CLCN3: variants seen among roughly 807,000 people sequenced by gnomAD.
The protein encoded by CLCN3 is H(+)/Cl(-) exchange transporter 3.
CLCN3 carries 16 observed loss-of-function variants against 83.4 expected under a neutral mutation model. The ratio of observed to expected loss-of-function variants is 0.19; its 90% CI spans 0.13 to 0.29. The LOEUF is 0.29. Among genes scored for constraint, CLCN3 ranks in the 10% least tolerant of loss-of-function variants. CLCN3 has a pLI of 1.00. For synonymous variants in CLCN3, 322 were observed against 346.2 expected (o/e 0.93, Z 0.78); for missense variants, 544 against 1,006.0 (o/e 0.54, Z 6.21).
chr4:169,716,091 C>G (rs1006678455), intron 12 of CLCN3, among the ~76,000 whole-genome samples: 1 of 152,148 alleles, frequency 6.6e-6, no homozygotes, highest in Non-Finnish European at 1.5e-5. Context: ...TTAACTCTTA[C>G]ATCATTAGTT....
intron 12 of CLCN3, among the ~76,000 whole-genome samples, chr4:169,718,952 A>G (rs1481711898): frequency 6.6e-6 from 1 of 152,140 alleles, no homozygotes; most frequent in Admixed American, 6.5e-5. Context: ...CTGTATCTTA[A>G]CTTTCCTGGC....
Position 169,713,166 on chromosome 4 carries a change from C to G in CLCN3, c.2237C>G (p.Pro746Arg). 1 of 1,614,106 alleles carries G rather than the reference C, an allele frequency of 6.2e-7. No individual in the cohort carries two copies. The highest frequency in any genetic ancestry group is 8.5e-7 in the Non-Finnish European group (1 of 1,179,992). The change falls in exon 12 of 13, where the codon CCT (proline) becomes CGT (arginine). Residue 746 changes from proline to arginine, a missense_variant. By Grantham distance (103) the Pro-to-Arg change is moderately radical. Around this residue, in one of 6 missense-constraint regions of CLCN3, gnomAD observed 142 missense variants for 225.0 expected, o/e 0.63. Transcript: ENST00000513761. Reference sequence around the variant, plus strand: ...ACCCCATCTCTTCCAGCAGAAAGTCCTCGGCCATTGAAGCTTCGAAGCATT... The same window carrying G: ...ACCCCATCTCTTCCAGCAGAAAGTCGTCGGCCATTGAAGCTTCGAAGCATT... ...QHTPSLPAESPRPLKLRSILD... is the reference protein window; with the variant it reads ...QHTPSLPAESRRPLKLRSILD...
chr4:169,678,022 A>C (rs1226175815), intron 2 of CLCN3, among the ~76,000 whole-genome samples: 1 of 152,226 alleles, frequency 6.6e-6, no homozygotes, highest in African/African-American at 2.4e-5. Context: ...GCCTGATGAC[A>C]AGGCTGATTG....
chr4:169,690,420 C>A, intron 5 of CLCN3, 110 bp from the exon 6 acceptor site: 1 of 1,120,542 alleles, frequency 8.9e-7, no homozygotes, highest in Non-Finnish European at 1.3e-6. Flanking sequence ...GCTGGGATTA[C>A]AGGCGTGAGC....
chr4:169,648,776 C>T lies in CLCN3; in HGVS notation c.160+12688C>T, dbSNP rs146576719. Reference sequence around the variant, plus strand: ...GCACAGTGGCTTATGCCTATAATCCCAGCACTTTGGGAAGCCAAGATAGAT... The same window carrying T: ...GCACAGTGGCTTATGCCTATAATCCTAGCACTTTGGGAAGCCAAGATAGAT... On this transcript the variant is annotated intron_variant, in intron 2 of 12. Transcript: ENST00000513761. 3.0e-3 allele frequency among the ~76,000 whole-genome samples: 450 copies of T among 152,274 alleles called. 2 individuals are homozygous for T. The highest frequency in any genetic ancestry group is 0.01 in the African/African-American group (423 of 41,554).
chr4:169,661,386 GTAA>G (rs939618589), intron 2 of CLCN3, among the ~76,000 whole-genome samples: 2 of 152,064 alleles, frequency 1.3e-5, no homozygotes, highest in African/African-American at 2.4e-5. Context: ...ATATAAGGAA[GTAA>G]TAATGTTTTT....
In CLCN3 at chr4:169,621,037, G is replaced by T. The variant is rs566942964; in HGVS notation, c.-43G>T. 95 of 397,676 alleles carry T rather than the reference G, an allele frequency of 2.4e-4. No homozygotes were observed. The highest frequency in any genetic ancestry group is 3.5e-4 in the Admixed American group (8 of 22,722). The allele number at this position is 397,676 out of a possible 1,614,324, so 24.6% of individuals were successfully genotyped here. On this transcript the variant is annotated 5_prime_UTR_variant, in exon 1 of 13. Coordinates refer to ENST00000513761, the MANE Select transcript of CLCN3 (RefSeq NM_001829.4). ...AAAGGCAGCGCAAAAAACAGCCACCGATTTTGCTATGTCTCTGAGCTGCGA... is the reference window on the plus strand; with the variant it reads ...AAAGGCAGCGCAAAAAACAGCCACCTATTTTGCTATGTCTCTGAGCTGCGA...
intron 2 of CLCN3, among the ~76,000 whole-genome samples, chr4:169,643,578 G>A (rs1730485014): frequency 6.6e-6 from 1 of 151,762 alleles, no homozygotes; most frequent in Admixed American, 6.6e-5. Flanking sequence ...TGTCATCCAG[G>A]CTGGGGTGCA....
intron 1 of CLCN3, among the ~76,000 whole-genome samples, chr4:169,634,576 A>G (rs533898517): frequency 1.1e-4 from 16 of 152,364 alleles, no homozygotes. Flanking sequence ...ATAATATGCC[A>G]TCTTTGGTAG....
intron 2 of CLCN3, among the ~76,000 whole-genome samples, chr4:169,662,526 T>C (rs1731093051): frequency 6.6e-6 from 1 of 152,166 alleles, no homozygotes; most frequent in Non-Finnish European, 1.5e-5. Context: ...TCAGCTTCCC[T>C]GTGAGGAAGA....
intron 1 of CLCN3, among the ~76,000 whole-genome samples, chr4:169,626,000 C>T (rs566463083): frequency 6.6e-6 from 1 of 152,302 alleles, no homozygotes; most frequent in South Asian, 2.1e-4. Context: ...TGTCAGACAC[C>T]ACTGGTTGAG....
intron 2 of CLCN3, among the ~76,000 whole-genome samples, chr4:169,648,133 A>G (rs1560834684): frequency 6.6e-6 from 1 of 152,238 alleles, no homozygotes; most frequent in African/African-American, 2.4e-5. Context: ...GCTAAATGCA[A>G]TGTGGATCCT....
intron 3 of CLCN3, 98 bp downstream of exon 3, chr4:169,680,305 A>G: frequency 1.2e-6 from 1 of 810,506 alleles, no homozygotes; most frequent in South Asian, 1.9e-5. Flanking sequence ...AAATGTTTAC[A>G]TTTAATATAA....
At chr4:169,634,523 C>T (rs551632951) in intron 1 of CLCN3, among the ~76,000 whole-genome samples, 5 of 152,294 alleles carry the variant, frequency 3.3e-5, no homozygotes, top group African/African-American at 9.6e-5. Flanking sequence ...TTCATACTTT[C>T]CTATTGTTTT....
chr4:169,660,498 G>T, intron 2 of CLCN3: 4 of 1,241,498 alleles, frequency 3.2e-6, no homozygotes, highest in Non-Finnish European at 4.1e-6. Context: ...TTTTGCATGC[G>T]GCTGGGCGGT....
intron 2 of CLCN3, among the ~76,000 whole-genome samples, chr4:169,674,019 C>T (rs1335149826): frequency 6.6e-6 from 1 of 152,206 alleles, no homozygotes; most frequent in African/African-American, 2.4e-5. Context: ...AAAATCAGAA[C>T]ATTTACATTG....
At chr4:169,679,310 GCTC>G (rs1266681838) in intron 2 of CLCN3, among the ~76,000 whole-genome samples, 1 of 151,758 alleles carries the variant, frequency 6.6e-6, no homozygotes, top group Non-Finnish European at 1.5e-5. Flanking sequence ...GGGCAGAGAC[GCTC>G]CTCACTTCCT....
At chr4:169,638,959 A>G (rs1581195008) in intron 2 of CLCN3, among the ~76,000 whole-genome samples, 1 of 152,232 alleles carries the variant, frequency 6.6e-6, no homozygotes, top group Non-Finnish European at 1.5e-5. Context: ...GCACTTTAAC[A>G]TGCAAACAAG....
intron 2 of CLCN3, among the ~76,000 whole-genome samples, chr4:169,646,513 C>T (rs980906162): frequency 6.6e-6 from 1 of 151,870 alleles, no homozygotes; most frequent in East Asian, 1.9e-4. Context: ...CCAGGCTGGT[C>T]TCGAATTCTT....
Sources: allele counts gnomAD v4.1 joint callset (sites outside exome capture counted in the v4.1 genomes callset), GRCh38; gene constraint gnomAD v4.1.1; regional missense constraint gnomAD v4.1.1; transcripts MANE v1.5; gene names NCBI Gene and HGNC (gene_info 2026-07-23, HGNC 2026-07-21).